The following ROBO2 variants were observed in gnomAD, a reference collection of about 807,000 sequenced individuals.
ROBO2 encodes the protein roundabout homolog 2.
In ROBO2, 53 loss-of-function variants were observed where a neutral mutation model predicts 160.8. The ratio of observed to expected loss-of-function variants is 0.33; its 90% CI spans 0.26 to 0.41. The LOEUF (loss-of-function observed/expected upper bound fraction) is 0.41. Among genes scored for constraint, ROBO2 ranks in the 10% least tolerant of loss-of-function variants. The pLI is 1.00. For missense variants in ROBO2, 1,577 were observed against 1,722.4 expected (o/e 0.92, Z 1.49); for synonymous variants, 664 against 611.7 (o/e 1.09, Z -1.26).
intron 2 of ROBO2, among the ~76,000 whole-genome samples, chr3:75,973,710 G>A (rs1317677407): frequency 6.6e-6 from 1 of 151,626 alleles, no homozygotes; most frequent in Non-Finnish European, 1.5e-5. Flanking sequence ...TTGATTTTGG[G>A]TTACTGAAAT....
intron 2 of ROBO2, among the ~76,000 whole-genome samples, chr3:76,131,983 C>T (rs1291246514): frequency 6.6e-6 from 1 of 151,984 alleles, no homozygotes; most frequent in African/African-American, 2.4e-5. Flanking sequence ...GAAATAATAG[C>T]AGTTATGACA....
At chr3:77,035,495 C>T (rs950034793), upstream of ROBO2, among the ~76,000 whole-genome samples, 7 of 151,734 alleles carry the variant, frequency 4.6e-5, no homozygotes, top group African/African-American at 7.2e-5. Context: ...CTTGAAAATA[C>T]GTGATTTTAT....
At chr3:77,611,394 A>C (rs565728570) in intron 21 of ROBO2, among the ~76,000 whole-genome samples, 2 of 152,102 alleles carry the variant, frequency 1.3e-5, no homozygotes, top group Admixed American at 6.6e-5. Context: ...TGGAGTTCTG[A>C]TGTTTGAGTA....
chr3:76,541,958 T>A (rs2082842548), intron 2 of ROBO2, among the ~76,000 whole-genome samples: 2 of 152,140 alleles, frequency 1.3e-5, no homozygotes. Flanking sequence ...ACATGAAGTT[T>A]CTTGATTTCT....
chr3:77,508,128 A>C (rs1051112874), intron 5 of ROBO2, among the ~76,000 whole-genome samples: 4 of 151,792 alleles, frequency 2.6e-5, no homozygotes, highest in African/African-American at 9.7e-5. Context: ...TTCACAAAGC[A>C]CATATGTATC....
At chr3:76,087,572 A>G (rs2069063535) in intron 2 of ROBO2, among the ~76,000 whole-genome samples, 2 of 152,110 alleles carry the variant, frequency 1.3e-5, no homozygotes, top group South Asian at 2.1e-4. Flanking sequence ...AGTCATATCT[A>G]CATAAATAAG....
At chr3:76,770,128 G>C (rs1032467125) in intron 2 of ROBO2, among the ~76,000 whole-genome samples, 2 of 151,298 alleles carry the variant, frequency 1.3e-5, no homozygotes, top group Non-Finnish European at 3.0e-5. Flanking sequence ...CACTGGTTTA[G>C]ACTGAACATT....
At chr3:77,476,366 G>GTT (rs2084000189) in intron 2 of ROBO2, among the ~76,000 whole-genome samples, 2 of 110,234 alleles carry the variant, frequency 1.8e-5, no homozygotes, top group South Asian at 3.2e-4. Context: ...GTGTCTGTGG[G>GTT]TATGTGTGTG....
intron 2 of ROBO2, among the ~76,000 whole-genome samples, chr3:76,554,881 C>G (rs1220563365): frequency 1.3e-5 from 2 of 151,984 alleles, no homozygotes; most frequent in Non-Finnish European, 2.9e-5. Context: ...AAAAAAATCA[C>G]ATTACTGAAA....
chr3:77,373,095 AAATAT>A (rs2072027735), intron 2 of ROBO2, among the ~76,000 whole-genome samples: 1 of 147,178 alleles, frequency 6.8e-6, no homozygotes, highest in South Asian at 2.1e-4. Context: ...AAAATAATTA[AAATAT>A]AATATTTTAA....
intron 2 of ROBO2, among the ~76,000 whole-genome samples, chr3:76,734,277 A>G (rs1394104741): frequency 6.6e-6 from 1 of 152,226 alleles, no homozygotes; most frequent in African/African-American, 2.4e-5. Flanking sequence ...TCTATTAAAT[A>G]AGGTGGCCAT....
intron 2 of ROBO2, among the ~76,000 whole-genome samples, chr3:76,555,386 A>AGAC (rs1225966537): frequency 2.9e-5 from 2 of 68,368 alleles, no homozygotes; most frequent in Non-Finnish European, 8.9e-5. Context: ...AAGAAGAAGA[A>AGAC]GAAGAAGAAG....
At chr3:76,551,511 C>A (rs1264205359) in intron 2 of ROBO2, among the ~76,000 whole-genome samples, 1 of 152,080 alleles carries the variant, frequency 6.6e-6, no homozygotes, top group Admixed American at 6.5e-5. Context: ...AGCTGTAACA[C>A]AAACAGGGCT....
At chr3:77,013,769 G>T (rs1314148454) in intron 2 of ROBO2, among the ~76,000 whole-genome samples, 1 of 152,192 alleles carries the variant, frequency 6.6e-6, no homozygotes, top group East Asian at 1.9e-4. Context: ...GTTAGAAATG[G>T]TGTTTATAAA....
intron 2 of ROBO2, among the ~76,000 whole-genome samples, chr3:76,119,911 T>TCCCG (rs1576937287): frequency 1.2e-5 from 1 of 80,144 alleles, no homozygotes. Flanking sequence ...CTTCCTTCCC[T>TCCCG]CCCTCCCTTC....
intron 2 of ROBO2, among the ~76,000 whole-genome samples, chr3:76,280,172 T>C (rs1276256799): frequency 6.6e-6 from 1 of 151,988 alleles, no homozygotes; most frequent in Non-Finnish European, 1.5e-5. Flanking sequence ...AGTCTTGATA[T>C]GTATGAACAT....
intron 2 of ROBO2, among the ~76,000 whole-genome samples, chr3:77,347,372 A>C (rs962050902): frequency 6.6e-6 from 1 of 152,000 alleles, no homozygotes; most frequent in African/African-American, 2.4e-5. Context: ...AGACATCATA[A>C]TTTGCGCTTC....
chr3:76,634,499 C>G (rs1353366739), intron 2 of ROBO2, among the ~76,000 whole-genome samples: 1 of 151,278 alleles, frequency 6.6e-6, no homozygotes, highest in African/African-American at 2.4e-5. Flanking sequence ...ACCTGGGAGG[C>G]AGGGGTTGCA....
intron 2 of ROBO2, among the ~76,000 whole-genome samples, chr3:76,463,219 C>T (rs1361247564): frequency 1.3e-5 from 2 of 151,958 alleles, no homozygotes; most frequent in Non-Finnish European, 2.9e-5. Flanking sequence ...CTGTGCACCC[C>T]GGGCCACTCA....
Sources: allele counts gnomAD v4.1 joint callset (sites outside exome capture counted in the v4.1 genomes callset), GRCh38; gene constraint gnomAD v4.1.1; transcripts MANE v1.5; gene names NCBI Gene and HGNC (gene_info 2026-07-23, HGNC 2026-07-21).